Variants in MCF2L observed in about 807,000 individuals in gnomAD.
MCF2L encodes guanine nucleotide exchange factor DBS.
MCF2L carries 97 observed loss-of-function variants against 153.4 expected under a neutral mutation model. The observed-to-expected ratio is 0.63, with a 90% CI of 0.54 to 0.75. The LOEUF is 0.75. Ranked by LOEUF, MCF2L falls within the 30% of genes least tolerant of loss-of-function variation. MCF2L has a pLI of 0.00. For missense variants in MCF2L, 1,347 were observed against 1,495.2 expected (o/e 0.90, Z 1.64); for synonymous variants, 659 against 632.2 (o/e 1.04, Z -0.64).
intron 3 of MCF2L, chr13:113,044,374 C>G: frequency 2.8e-6 from 1 of 363,102 alleles, no homozygotes; most frequent in Non-Finnish European, 5.3e-6. Flanking sequence ...CTGAGACACC[C>G]GATATAAATC....
intron 1 of MCF2L, among the ~76,000 whole-genome samples, chr13:112,895,499 T>C (rs374580105): frequency 9.3e-4 from 142 of 152,174 alleles, no homozygotes; most frequent in African/African-American, 3.3e-3. Flanking sequence ...TGCTGGATGC[T>C]GGGACTGAGG....
At chr13:112,965,415 G>A (rs1301946348), upstream of MCF2L, 2 of 152,238 alleles carry the variant, frequency 1.3e-5, no homozygotes, top group Non-Finnish European at 2.9e-5. Context: ...CTCAGAGCCA[G>A]CCCTGGTTGT....
At chr13:113,005,984 C>T (rs1453552194) in intron 1 of MCF2L, among the ~76,000 whole-genome samples, 2 of 152,310 alleles carry the variant, frequency 1.3e-5, no homozygotes, top group Admixed American at 6.5e-5. Context: ...GGCTGCTTAG[C>T]GAAAATCATC....
At chr13:112,971,152 T>A (rs2082026388) in intron 1 of MCF2L, among the ~76,000 whole-genome samples, 1 of 152,120 alleles carries the variant, frequency 6.6e-6, no homozygotes, top group Admixed American at 6.5e-5. Flanking sequence ...TGTAAAACCA[T>A]CATGAGGGGG....
intron 1 of MCF2L, among the ~76,000 whole-genome samples, chr13:112,987,171 G>A (rs1186668486): frequency 2.0e-5 from 3 of 152,188 alleles, no homozygotes; most frequent in East Asian, 1.9e-4. Context: ...CAGACAGCAC[G>A]GGCCGCAGGG....
At chr13:112,913,105 GTC>G (rs1413127379) in intron 2 of MCF2L, among the ~76,000 whole-genome samples, 2 of 148,760 alleles carry the variant, frequency 1.3e-5, no homozygotes, top group Non-Finnish European at 2.9e-5. Context: ...CTATTTCTGT[GTC>G]TGTATGTATG....
At chr13:112,913,551 G>A (rs772894775) in intron 2 of MCF2L, among the ~76,000 whole-genome samples, 7 of 152,104 alleles carry the variant, frequency 4.6e-5, no homozygotes, top group East Asian at 1.9e-4. Context: ...AAAATGCCTC[G>A]GTGTGAGAGG....
chr13:113,000,121 G>A (rs1314509310), intron 1 of MCF2L, among the ~76,000 whole-genome samples: 1 of 152,214 alleles, frequency 6.6e-6, no homozygotes, highest in Non-Finnish European at 1.5e-5. Flanking sequence ...CGGGGCTCGT[G>A]TTCCAGGGAT....
At chr13:112,915,208 GA>G (rs1428252634) in intron 2 of MCF2L, among the ~76,000 whole-genome samples, 2 of 151,832 alleles carry the variant, frequency 1.3e-5, no homozygotes, top group East Asian at 3.9e-4. Context: ...AGGAGATCGA[GA>G]CCACCCTGGC....
At chr13:112,985,071 G>A (rs2082580023) in intron 1 of MCF2L, 1 of 216,046 alleles carries the variant, frequency 4.6e-6, no homozygotes, top group African/African-American at 2.3e-5. Context: ...CCCCCAGCGG[G>A]GTCCCTTGTG....
intron 2 of MCF2L, among the ~76,000 whole-genome samples, chr13:112,914,386 A>T: frequency 6.6e-6 from 1 of 152,212 alleles, no homozygotes; most frequent in East Asian, 1.9e-4. Flanking sequence ...CACAGTGGGC[A>T]GTGGCTACAC....
intron 1 of MCF2L, among the ~76,000 whole-genome samples, chr13:112,998,057 G>A (rs1172996303): frequency 6.6e-6 from 1 of 152,206 alleles, no homozygotes; most frequent in African/African-American, 2.4e-5. Flanking sequence ...AGGGCCCCGG[G>A]GTCCACTGGG....
chr13:113,037,901 A>G (rs2086247145), intron 3 of MCF2L, among the ~76,000 whole-genome samples: 1 of 152,234 alleles, frequency 6.6e-6, no homozygotes, highest in African/African-American at 2.4e-5. Context: ...TTATTTGTAG[A>G]CAATGTGGTT....
chr13:113,096,962 A>G lies in MCF2L; in HGVS notation c.*103A>G. 1.3e-6 allele frequency: 1 copy of G among 749,118 alleles called. No individual in the cohort carries two copies. Among genetic ancestry groups the G allele is most frequent in the East Asian group, 3.9e-5 (1 of 25,892 alleles). 46.4% of individuals were successfully genotyped at this position (749,118 alleles called of 1,614,324 possible). On this transcript the variant is annotated 3_prime_UTR_variant, in exon 30 of 30. Coordinates refer to ENST00000535094, the MANE Select transcript of MCF2L (RefSeq NM_001112732.3). ...GAGGAAGGGGCACCTCACCGCCCCC[A>G]CCCAGAGCGCCTGGCCGTGCGGGCT... is the stretch of plus-strand genomic sequence containing the variant.
intron 27 of MCF2L, chr13:113,095,922 T>G: frequency 1.8e-6 from 1 of 541,486 alleles, no homozygotes; most frequent in Non-Finnish European, 2.5e-6. Context: ...ACTCTTACAG[T>G]GAGGAGAGAA....
intron 7 of MCF2L, 22 bp from the exon 8 acceptor site, chr13:113,066,024 T>C (rs2032313811): frequency 1.2e-6 from 2 of 1,610,610 alleles, no homozygotes; most frequent in South Asian, 2.2e-5. Context: ...GGCCGGGACA[T>C]GAGGCTGCAT....
At chr13:112,940,708 G>T (rs1415060648) in intron 2 of MCF2L, among the ~76,000 whole-genome samples, 1 of 152,186 alleles carries the variant, frequency 6.6e-6, no homozygotes, top group Non-Finnish European at 1.5e-5. Context: ...AGCTTTATGT[G>T]TATTATTATA....
chr13:113,035,828 C>T lies in MCF2L; in HGVS notation c.279-9443C>T, dbSNP rs1435549819. On this transcript the variant is annotated intron_variant, in intron 3 of 29. Transcript: ENST00000535094. The surrounding 1 kb of genome is among the most constrained non-coding windows in gnomAD (Gnocchi z 4.4). ...GCTGTTTGACCCTGGATATGTCATT[C>T]ACTTCTGCGTTCCTCAGTTTCTGCA... is the stretch of plus-strand genomic sequence containing the variant. Among the ~76,000 whole-genome samples, 1 of 152,212 alleles carries T rather than the reference C, an allele frequency of 6.6e-6. No homozygotes were observed. The highest frequency in any genetic ancestry group is 2.4e-5 in the African/African-American group (1 of 41,454).
At chr13:112,928,003 A>G (rs1380676799) in intron 2 of MCF2L, among the ~76,000 whole-genome samples, 1 of 152,260 alleles carries the variant, frequency 6.6e-6, no homozygotes, top group African/African-American at 2.4e-5. Context: ...AAATAACAGG[A>G]GAAACGTTAA....
Sources: allele counts gnomAD v4.1 joint callset (sites outside exome capture counted in the v4.1 genomes callset), GRCh38; gene constraint gnomAD v4.1.1; non-coding constraint Gnocchi (gnomAD v3.1); transcripts MANE v1.5; gene names NCBI Gene and HGNC (gene_info 2026-07-23, HGNC 2026-07-21).